Variants in NSRP1 observed in about 807,000 individuals in gnomAD.
The protein encoded by NSRP1 is nuclear speckle splicing regulatory protein 1.
A neutral mutation model predicts 54.7 loss-of-function variants in NSRP1; 24 were observed. The observed-to-expected ratio is 0.44, with a 90% CI of 0.32 to 0.62. The LOEUF (loss-of-function observed/expected upper bound fraction) is 0.62, where lower values mean the gene tolerates loss of function less well. Among genes scored for constraint, NSRP1 ranks in the 20% least tolerant of loss-of-function variants. The probability of loss-of-function intolerance (pLI) is 0.06; values close to 1 mark genes in which losing one functional copy is unlikely to be tolerated. For synonymous variants in NSRP1, 210 were observed against 213.8 expected, an observed-to-expected ratio of 0.98 and a Z score of 0.15; for missense variants, 596 against 651.2, an observed-to-expected ratio of 0.92 and a Z score of 0.92.
chr17:30,132,223 G>A (rs141532477), intron 2 of NSRP1, among the ~76,000 whole-genome samples: 2,830 of 150,946 alleles, frequency 0.019, 69 homozygotes, highest in African/African-American at 0.062. Flanking sequence ...ACTCCAGCCT[G>A]GGCGACAGAG....
chr17:30,164,657 A>T (rs2143006899), intron 2 of NSRP1, among the ~76,000 whole-genome samples: 1 of 152,040 alleles, frequency 6.6e-6, no homozygotes, highest in East Asian at 1.9e-4. Context: ...AATTAGCTGG[A>T]TGTGGTGACA....
rs370423700 is a variant in NSRP1 at position 30,163,679 on chromosome 17, C to CTTT, written c.115-8843_115-8841dup. The stretch of plus-strand genomic sequence containing the variant: ...GTTTATGGTGCCTATACTTTGACCA[C>CTTT]TTTTTTTTTTTTTTTTTTTTTTGAG... On this transcript the variant is annotated intron_variant, in intron 2 of 6. Transcript: ENST00000247026. 4.2e-3 allele frequency among the ~76,000 whole-genome samples: 378 copies of CTTT among 90,792 alleles called. 8 individuals carry two copies. The highest frequency in any genetic ancestry group is 0.01 in the East Asian group (32 of 3,048). The allele number at this position is 90,792 out of a possible 152,430, so 59.6% of individuals were successfully genotyped here.
intron 2 of NSRP1, among the ~76,000 whole-genome samples, chr17:30,119,684 G>GTA (rs1272409520): frequency 1.3e-5 from 2 of 152,068 alleles, no homozygotes; most frequent in East Asian, 3.9e-4. Context: ...TGTGTTTTTA[G>GTA]TAGAGGTGGG....
chr17:30,139,978 C>A (rs755313472), intron 2 of NSRP1, among the ~76,000 whole-genome samples: 4 of 152,092 alleles, frequency 2.6e-5, no homozygotes, highest in Non-Finnish European at 5.9e-5. Context: ...GAACCGAGAT[C>A]GCACCACTGC....
At chr17:30,119,414 T>C (rs964821550) in intron 2 of NSRP1, among the ~76,000 whole-genome samples, 3 of 152,110 alleles carry the variant, frequency 2.0e-5, no homozygotes, top group Non-Finnish European at 4.4e-5. Flanking sequence ...GGTTTCACCA[T>C]GTTGGCCAGG....
intron 2 of NSRP1, among the ~76,000 whole-genome samples, chr17:30,127,434 A>T (rs1407968061): frequency 6.6e-6 from 1 of 152,130 alleles, no homozygotes; most frequent in Non-Finnish European, 1.5e-5. Flanking sequence ...CTTTTTTTGG[A>T]GACAAGGTTT....
At chr17:30,171,972 A>ACACACTCT (rs1169988659) in intron 2 of NSRP1, among the ~76,000 whole-genome samples, 3 of 46,578 alleles carry the variant, frequency 6.4e-5, no homozygotes, top group Non-Finnish European at 1.1e-4. Flanking sequence ...ACACACACAC[A>ACACACTCT]CTCCCTCTCT....
chr17:30,120,894 G>T (rs1374423475), intron 2 of NSRP1, among the ~76,000 whole-genome samples: 1 of 152,202 alleles, frequency 6.6e-6, no homozygotes, highest in Admixed American at 6.5e-5. Flanking sequence ...TGAATGAAAT[G>T]TAGAGAATGA....
intron 2 of NSRP1, among the ~76,000 whole-genome samples, chr17:30,143,902 C>T (rs974257616): frequency 4.6e-5 from 7 of 152,104 alleles, no homozygotes; most frequent in Non-Finnish European, 1.0e-4. Flanking sequence ...GTGCTTATTT[C>T]ACATGGCATG....
intron 2 of NSRP1, among the ~76,000 whole-genome samples, chr17:30,134,586 C>T (rs924111674): frequency 1.3e-5 from 2 of 152,168 alleles, no homozygotes; most frequent in Non-Finnish European, 2.9e-5. Context: ...AGAGATTTTA[C>T]AGCTAAGGAA....
At chr17:30,177,609 A>G (rs1905171364) in intron 3 of NSRP1, among the ~76,000 whole-genome samples, 1 of 152,204 alleles carries the variant, frequency 6.6e-6, no homozygotes, top group South Asian at 2.1e-4. Context: ...AAAAATGATA[A>G]TGAAAGTTTA....
intron 3 of NSRP1, among the ~76,000 whole-genome samples, chr17:30,174,327 AC>A (rs1905054950): frequency 6.6e-6 from 1 of 152,056 alleles, no homozygotes; most frequent in African/African-American, 2.4e-5. Context: ...TTTTTCTCGC[AC>A]CTATATTACA....
chr17:30,126,694 C>A (rs1160458417), intron 2 of NSRP1, among the ~76,000 whole-genome samples: 1 of 152,076 alleles, frequency 6.6e-6, no homozygotes, highest in South Asian at 2.1e-4. Context: ...CCTGAGCAAT[C>A]TTTTAGCCTC....
At chr17:30,117,658 GA>G (rs946164230) in intron 1 of NSRP1, among the ~76,000 whole-genome samples, 2 of 151,152 alleles carry the variant, frequency 1.3e-5, no homozygotes, top group Non-Finnish European at 2.9e-5. Flanking sequence ...TACACAGTAG[GA>G]AAAAAAATCT....
intron 2 of NSRP1, among the ~76,000 whole-genome samples, chr17:30,141,884 G>T (rs560338672): frequency 5.3e-4 from 80 of 152,272 alleles, no homozygotes; most frequent in African/African-American, 1.4e-3. Context: ...CGCACTTGTA[G>T]TCCCAGCTAC....
At chr17:30,121,569 T>TG (rs898628835) in intron 2 of NSRP1, among the ~76,000 whole-genome samples, 12 of 131,442 alleles carry the variant, frequency 9.1e-5, no homozygotes, top group Admixed American at 3.6e-4. Context: ...TGTGTGTGTG[T>TG]GTTTTTTTTT....
intron 2 of NSRP1, among the ~76,000 whole-genome samples, chr17:30,137,114 T>G (rs1376672776): frequency 6.6e-6 from 1 of 152,212 alleles, no homozygotes; most frequent in African/African-American, 2.4e-5. Flanking sequence ...CATCCTTTTC[T>G]TGTTTCTGAC....
rs541864039 is a variant in NSRP1 at position 30,151,295 on chromosome 17, G to C, written c.115-21247G>C. Among the ~76,000 whole-genome samples the C allele has an allele frequency of 6.6e-5, 10 of 152,194 alleles. No individual in the cohort carries two copies. The South Asian group carries it at 2.1e-3, about 32-fold the overall frequency. On this transcript the variant is annotated intron_variant, in intron 2 of 6. Transcript: ENST00000247026. ...TTGCAAATACAGTTGATTCTTGAAC[G>C]ATAGGGGGGTTAGAGCTACCAACAC...
At chr17:30,174,069 G>T (rs1462146717) in intron 3 of NSRP1, among the ~76,000 whole-genome samples, 2 of 152,150 alleles carry the variant, frequency 1.3e-5, no homozygotes, top group African/African-American at 4.8e-5. Flanking sequence ...CTATATAAAT[G>T]GGAGACTTAG....
Sources: allele counts gnomAD v4.1 joint callset (sites outside exome capture counted in the v4.1 genomes callset), GRCh38; gene constraint gnomAD v4.1.1; transcripts MANE v1.5; gene names NCBI Gene and HGNC (gene_info 2026-07-23, HGNC 2026-07-21).